Variants in GABRB2 observed in about 807,000 individuals in gnomAD.
GABRB2 encodes gamma-aminobutyric acid type A receptor subunit beta2.
Under a neutral mutation model 54.7 loss-of-function variants are expected in GABRB2, and 16 were observed. That is an observed-to-expected ratio of 0.29 (90% confidence interval 0.20 to 0.44). The LOEUF is 0.44. Among genes scored for constraint, GABRB2 ranks in the 20% least tolerant of loss-of-function variants. The pLI, the probability that GABRB2 is intolerant of heterozygous loss-of-function variation, is 1.00. For missense variants in GABRB2, 355 were observed against 644.0 expected (o/e 0.55, Z 4.86); for synonymous variants, 244 against 233.8 (o/e 1.04, Z -0.40).
At chr5:161,498,399 G>A (rs1267995916) in intron 3 of GABRB2, among the ~76,000 whole-genome samples, 2 of 151,340 alleles carry the variant, frequency 1.3e-5, no homozygotes, top group Admixed American at 6.6e-5. Flanking sequence ...TTTCTATTCT[G>A]TATCTATTGG....
chr5:161,463,336 C>T (rs1758171292), intron 3 of GABRB2, among the ~76,000 whole-genome samples: 1 of 150,214 alleles, frequency 6.7e-6, no homozygotes, highest in Admixed American at 6.7e-5. Flanking sequence ...CACACACACA[C>T]ACACACACAC....
intron 5 of GABRB2, among the ~76,000 whole-genome samples, chr5:161,347,478 T>G (rs1368660443): frequency 6.6e-6 from 1 of 152,110 alleles, no homozygotes; most frequent in Non-Finnish European, 1.5e-5. Flanking sequence ...GTAGAGTATT[T>G]CCCCACGCCT....
chr5:161,439,281 T>C (rs1757393997), intron 4 of GABRB2, among the ~76,000 whole-genome samples: 1 of 152,190 alleles, frequency 6.6e-6, no homozygotes, highest in Admixed American at 6.5e-5. Flanking sequence ...ACTTTTAGGC[T>C]AAAATTGTGT....
intron 5 of GABRB2, among the ~76,000 whole-genome samples, chr5:161,394,471 T>C (rs1228864625): frequency 6.6e-6 from 1 of 151,952 alleles, no homozygotes; most frequent in African/African-American, 2.4e-5. Context: ...AACTGATCAA[T>C]GATAGAGAAT....
chr5:161,547,558 T>C (rs1761026286), upstream of GABRB2, among the ~76,000 whole-genome samples: 1 of 150,854 alleles, frequency 6.6e-6, no homozygotes, highest in South Asian at 2.1e-4. Context: ...CTAGTCCGGG[T>C]TATTTATAGC....
intron 3 of GABRB2, among the ~76,000 whole-genome samples, chr5:161,532,492 G>T (rs1400809495): frequency 1.3e-5 from 2 of 152,090 alleles, no homozygotes; most frequent in East Asian, 1.9e-4. Flanking sequence ...TGTAGGCCCA[G>T]AAAATATAAA....
chr5:161,317,605 G>A (rs988649840), intron 9 of GABRB2, among the ~76,000 whole-genome samples: 1 of 152,242 alleles, frequency 6.6e-6, no homozygotes, highest in Admixed American at 6.5e-5. Context: ...AGCATTCCAA[G>A]AGGAATTCAG....
intron 4 of GABRB2, among the ~76,000 whole-genome samples, chr5:161,422,401 T>A (rs1756877608): frequency 6.6e-6 from 1 of 152,048 alleles, no homozygotes; most frequent in Non-Finnish European, 1.5e-5. Context: ...TGAATTTTGA[T>A]CCAGTCACAT....
chr5:161,463,684 T>C lies in GABRB2; in HGVS notation c.238-3840A>G, dbSNP rs1758196634. On this transcript the variant is annotated intron_variant, in intron 3 of 9. Coordinates refer to ENST00000393959, the MANE Select transcript of GABRB2 (RefSeq NM_001371727.1). ...AATCTGATATCAGGACTTACTATAC[T>C]GATTTAAATACTTACTAATACTACC... 2.7e-5 allele frequency among the ~76,000 whole-genome samples: 4 copies of C among 146,682 alleles called. No individual in the cohort carries two copies. In the South Asian group the frequency reaches 8.6e-4, roughly 32 times the overall value.
intron 3 of GABRB2, among the ~76,000 whole-genome samples, chr5:161,528,589 T>G (rs1359757299): frequency 6.6e-6 from 1 of 151,842 alleles, no homozygotes; most frequent in Non-Finnish European, 1.5e-5. Context: ...GATACAAATG[T>G]TGACCTTTTC....
Position 161,334,840 on chromosome 5 carries a change from T to C in GABRB2, c.744A>G (p.Gln248=), listed in dbSNP as rs935553427. ...TAATCAGGATGGAAGGCATGTATGT[T>C]TGCAGGATAAAGTAGCCAATGTTTC... ...LKRNIGYFIL[Q]TYMPSILITI... Residue 248 remains glutamine, a synonymous_variant, in exon 7 of 10, where the codon CAA becomes CAG. Transcript: ENST00000393959. 9 of 1,613,946 alleles carry C rather than the reference T, an allele frequency of 5.6e-6. No homozygotes were observed. The highest frequency in any genetic ancestry group is 7.6e-6 in the Non-Finnish European group (9 of 1,179,924).
At chr5:161,426,338 T>A (rs1161289372) in intron 4 of GABRB2, among the ~76,000 whole-genome samples, 1 of 152,122 alleles carries the variant, frequency 6.6e-6, no homozygotes, top group Non-Finnish European at 1.5e-5. Context: ...AATCATTTCA[T>A]TCCTTCAGAA....
At chr5:161,359,506 T>C (rs1224391169) in intron 5 of GABRB2, among the ~76,000 whole-genome samples, 1 of 151,796 alleles carries the variant, frequency 6.6e-6, no homozygotes, top group African/African-American at 2.4e-5. Context: ...ATAAGATTTC[T>C]TTCCCTCAGG....
At chr5:161,473,563 A>T (rs1157371198) in intron 3 of GABRB2, among the ~76,000 whole-genome samples, 1 of 152,044 alleles carries the variant, frequency 6.6e-6, no homozygotes, top group African/African-American at 2.4e-5. Flanking sequence ...GAAAAAGAAC[A>T]TTAGAATAAG....
At chr5:161,434,501 G>C (rs918334041) in intron 4 of GABRB2, among the ~76,000 whole-genome samples, 1 of 151,976 alleles carries the variant, frequency 6.6e-6, no homozygotes, top group African/African-American at 2.4e-5. Flanking sequence ...CATAGCCCAT[G>C]TTCCAGCCTT....
intron 4 of GABRB2, among the ~76,000 whole-genome samples, chr5:161,457,688 C>T (rs1173719977): frequency 2.0e-5 from 3 of 152,088 alleles, no homozygotes; most frequent in South Asian, 2.1e-4. Context: ...CCTCGTGATC[C>T]GCCTGTTTTG....
intron 5 of GABRB2, among the ~76,000 whole-genome samples, chr5:161,357,547 G>A (rs959461375): frequency 6.6e-6 from 1 of 151,830 alleles, no homozygotes; most frequent in Non-Finnish European, 1.5e-5. Flanking sequence ...ATATGATCTG[G>A]CCTGTGTGTT....
chr5:161,518,379 G>A (rs1760014683), intron 3 of GABRB2, among the ~76,000 whole-genome samples: 1 of 152,100 alleles, frequency 6.6e-6, no homozygotes, highest in Non-Finnish European at 1.5e-5. Context: ...AGTAGTTGTG[G>A]ACATTACTTA....
chr5:161,347,472 A>G (rs1349509070), intron 5 of GABRB2, among the ~76,000 whole-genome samples: 1 of 152,146 alleles, frequency 6.6e-6, no homozygotes, highest in Non-Finnish European at 1.5e-5. Context: ...GCAGAGGTAG[A>G]GTATTTCCCC....
Sources: allele counts gnomAD v4.1 joint callset (sites outside exome capture counted in the v4.1 genomes callset), GRCh38; gene constraint gnomAD v4.1.1; transcripts MANE v1.5; gene names NCBI Gene and HGNC (gene_info 2026-07-23, HGNC 2026-07-21).